MCTP2: variants seen among roughly 807,000 people sequenced by gnomAD.
MCTP2 encodes the protein multiple C2 and transmembrane domain-containing protein 2.
MCTP2 carries 132 observed loss-of-function variants against 111.6 expected under a neutral mutation model. That is an observed-to-expected ratio of 1.18 (90% CI 1.03 to 1.37). MCTP2 has a LOEUF of 1.37. Ranked by LOEUF, MCTP2 falls within the 40% of genes most tolerant of loss-of-function variation. The probability of loss-of-function intolerance (pLI) is 0.00; values close to 1 mark genes in which losing one functional copy is unlikely to be tolerated. For synonymous variants in MCTP2, 395 were observed against 387.7 expected, an observed-to-expected ratio of 1.02 and a Z score of -0.22; for missense variants, 1,183 against 1,067.9, an observed-to-expected ratio of 1.11 and a Z score of -1.50.
rs2152550180 is a variant in MCTP2 at position 94,480,786 on chromosome 15, C to A, written c.*1752C>A. ...CCCCTTATTTATTTAAAAGTGGAAC[C>A]AATACTTTATTGTTGTTCTTTTGCT... On this transcript the variant is annotated 3_prime_UTR_variant, in exon 23 of 23. Transcript: ENST00000357742. 6.6e-6 allele frequency: 1 copy of A among 152,202 alleles called. No individual in the cohort carries two copies. Among genetic ancestry groups the A allele is most frequent in the South Asian group, 2.1e-4 (1 of 4,820 alleles). The allele number at this position is 152,202 out of a possible 1,614,324, so 9.4% of individuals were successfully genotyped here. A position where few individuals can be genotyped will look rare whatever the true frequency, so the allele number is the denominator to read the frequency against.
At chr15:94,377,741 C>T (rs1301879268) in intron 12 of MCTP2, among the ~76,000 whole-genome samples, 1 of 152,056 alleles carries the variant, frequency 6.6e-6, no homozygotes, top group Non-Finnish European at 1.5e-5. Context: ...TCAATTACTG[C>T]TAAGGTCAAG....
intron 4 of MCTP2, among the ~76,000 whole-genome samples, chr15:94,322,301 AT>A (rs200050113): frequency 2.1e-4 from 31 of 148,382 alleles, no homozygotes; most frequent in South Asian, 2.1e-4. Context: ...CTGTTTTTGA[AT>A]TTTTTTTTTT....
At chr15:94,281,304 T>C (rs764526062) in intron 1 of MCTP2, among the ~76,000 whole-genome samples, 3 of 152,184 alleles carry the variant, frequency 2.0e-5, no homozygotes, top group Non-Finnish European at 4.4e-5. Context: ...GAACTCTTTA[T>C]CATTATGGAA....
At chr15:94,311,704 ATGT>A (rs2076151032) in intron 2 of MCTP2, among the ~76,000 whole-genome samples, 1 of 152,216 alleles carries the variant, frequency 6.6e-6, no homozygotes, top group Non-Finnish European at 1.5e-5. Context: ...ACCAGCCATA[ATGT>A]TGAATTAATG....
chr15:94,372,062 G>C (rs1432675179), intron 12 of MCTP2, among the ~76,000 whole-genome samples: 5 of 152,114 alleles, frequency 3.3e-5, no homozygotes, highest in African/African-American at 4.8e-5. Context: ...AATAATTTTG[G>C]GAGAAATGTT....
chr15:94,360,131 C>G (rs978310100), intron 10 of MCTP2, among the ~76,000 whole-genome samples: 2 of 152,200 alleles, frequency 1.3e-5, no homozygotes, highest in African/African-American at 4.8e-5. Context: ...GCACTGCCCC[C>G]ACTTGAGACC....
rs562856874 is a variant in MCTP2 at position 94,332,355 on chromosome 15, A to G, written c.638-6935A>G. The stretch of plus-strand genomic sequence containing the variant: ...AGGGCTGATTCTTTTCCCAACAAAA[A>G]GAGAAGATCCTAAATATGTGTGTAT... On this transcript the variant is annotated intron_variant, in intron 4 of 22. Transcript: ENST00000357742. Among the ~76,000 whole-genome samples, 4 of 152,352 alleles carry G rather than the reference A, an allele frequency of 2.6e-5. No homozygotes were observed. The East Asian group carries it at 5.8e-4, about 22-fold the overall frequency.
intron 2 of MCTP2, among the ~76,000 whole-genome samples, chr15:94,305,179 C>G (rs553512908): frequency 4.6e-5 from 7 of 152,228 alleles, no homozygotes; most frequent in African/African-American, 1.7e-4. Context: ...GAGCCCTGAT[C>G]CAATGGAACT....
At chr15:94,268,801 A>G (rs964560394) in intron 1 of MCTP2, among the ~76,000 whole-genome samples, 6 of 143,276 alleles carry the variant, frequency 4.2e-5, no homozygotes, top group African/African-American at 1.0e-4. Context: ...TTTTGAGGAG[A>G]TAAGAGTAGA....
chr15:94,368,477 C>T (rs374052355), intron 11 of MCTP2, among the ~76,000 whole-genome samples: 6 of 152,238 alleles, frequency 3.9e-5, no homozygotes, highest in East Asian at 3.9e-4. Flanking sequence ...AGGGAAAGCA[C>T]GTTTTAGGGA....
chr15:94,332,541 T>A (rs2077177158), intron 4 of MCTP2, among the ~76,000 whole-genome samples: 1 of 152,218 alleles, frequency 6.6e-6, no homozygotes, highest in African/African-American at 2.4e-5. Context: ...AAAGAGCTAG[T>A]AAATAATTGT....
chr15:94,399,199 T>C, intron 15 of MCTP2, 137 bp downstream of exon 15: 1 of 581,696 alleles, frequency 1.7e-6, no homozygotes, highest in South Asian at 2.2e-5. Flanking sequence ...GTTTTAAAGC[T>C]GTGCATTTTA....
intron 1 of MCTP2, among the ~76,000 whole-genome samples, chr15:94,270,610 C>G (rs1308937779): frequency 6.6e-6 from 1 of 152,074 alleles, no homozygotes; most frequent in African/African-American, 2.4e-5. Flanking sequence ...CTCCATCTCC[C>G]CAGGTGGGCT....
intron 19 of MCTP2, among the ~76,000 whole-genome samples, chr15:94,455,462 G>A (rs1016567455): frequency 1.3e-5 from 2 of 151,448 alleles, no homozygotes; most frequent in Admixed American, 6.6e-5. Context: ...TTTTTTAGAC[G>A]GAGTCTCGCT....
chr15:94,236,377 CTTTTTTTTTTTTTTT>C (rs71132992), intron 1 of MCTP2, among the ~76,000 whole-genome samples: 3 of 72,518 alleles, frequency 4.1e-5, no homozygotes, highest in South Asian at 6.0e-4. Context: ...TCTTTTTTTT[CTTTTTTTTTTTTTTT>C]TTTTTTTTTT....
rs1438441870 is a variant in MCTP2, at chr15:94,479,938, A to T, written c.*904A>T. 6.6e-6 allele frequency: 1 copy of T among 152,208 alleles called. No individual in the cohort carries two copies. Among genetic ancestry groups the T allele is most frequent in the Non-Finnish European group, 1.5e-5 (1 of 68,032 alleles). 9.4% of individuals were successfully genotyped at this position (152,208 alleles called of 1,614,324 possible). ...ATAAGGCTGCTTACCTAATTATTAT[A>T]ATCATTTCATTTGCCTGAATGTTTT... On this transcript the variant is annotated 3_prime_UTR_variant, in exon 23 of 23. Transcript: ENST00000357742.
chr15:94,412,417 C>T (rs1343960078), intron 17 of MCTP2, among the ~76,000 whole-genome samples: 5 of 151,912 alleles, frequency 3.3e-5, no homozygotes, highest in South Asian at 4.1e-4. Flanking sequence ...ATTGCTACCT[C>T]GTGCTCACTT....
In MCTP2 at chr15:94,244,982, A is replaced by T. The variant is rs1276772685; in HGVS notation, c.-66+13318A>T. 2.1e-5 allele frequency among the ~76,000 whole-genome samples: 3 copies of T among 146,082 alleles called. 1 individual carries two copies. Among genetic ancestry groups the T allele is most frequent in the Non-Finnish European group, 4.6e-5 (3 of 65,692 alleles). On this transcript the variant is annotated intron_variant, in intron 1 of 22. Coordinates refer to ENST00000357742, the MANE Select transcript of MCTP2 (RefSeq NM_001385001.1). ...TATACGTATATGTATACACATACAT[A>T]TGCACCTGTTTATATACGTATATGT...
intron 4 of MCTP2, among the ~76,000 whole-genome samples, chr15:94,323,745 A>C (rs753157044): frequency 2.6e-5 from 4 of 152,152 alleles, no homozygotes; most frequent in Admixed American, 2.6e-4. Context: ...CTTCGTTAGC[A>C]ATCCGCATAG....
Sources: gnomAD v4.1 joint callset for allele counts (sites outside exome capture counted in the v4.1 genomes callset) on GRCh38, gnomAD v4.1.1 for gene constraint, MANE v1.5 for transcripts, NCBI Gene and HGNC (gene_info 2026-07-23, HGNC 2026-07-21) for gene names.